WDR35: variants seen among roughly 807,000 people sequenced by gnomAD.
WDR35 encodes the protein WD repeat-containing protein 35.
WDR35 carries 118 observed loss-of-function variants against 158.3 expected under a neutral mutation model. The ratio of observed to expected loss-of-function variants is 0.75; its 90% CI spans 0.64 to 0.87. The LOEUF (loss-of-function observed/expected upper bound fraction) is 0.87. Ranked by LOEUF, WDR35 falls within the 40% of genes least tolerant of loss-of-function variation. The probability of loss-of-function intolerance (pLI) is 0.00; values close to 1 mark genes in which losing one functional copy is unlikely to be tolerated. For synonymous variants in WDR35, 448 were observed against 476.1 expected, an observed-to-expected ratio of 0.94 and a Z score of 0.77; for missense variants, 1,263 against 1,405.8, an observed-to-expected ratio of 0.90 and a Z score of 1.62.
chr2:19,942,298 T>C (rs770234266), intron 16 of WDR35, among the ~76,000 whole-genome samples: 2 of 152,198 alleles, frequency 1.3e-5, no homozygotes, highest in African/African-American at 2.4e-5. Flanking sequence ...TATATTTGTA[T>C]GTAAGCCCAT....
chr2:19,930,446 A>G lies in WDR35; in HGVS notation c.3071T>C (p.Leu1024Pro). 1 of 1,614,146 alleles carries G rather than the reference A, an allele frequency of 6.2e-7. No homozygotes were observed. The highest frequency in any genetic ancestry group is 8.5e-7 in the Non-Finnish European group (1 of 1,180,016). The change falls in exon 25 of 27, where the codon CTT (leucine) becomes CCT (proline). Residue 1024 changes from leucine (L) to proline (P), a missense_variant. Leu to Pro is a moderately conservative substitution (Grantham distance 98). Transcript: ENST00000281405. ...RGAEAYHFFI[L>P]AQRQLYEGCV... ...TCCCTCATAGAGCTGCCTCTGTGCA[A>G]GTATAAAGAAGTGGTAAGCCTCTGC...
At chr2:19,986,307 G>T (rs1672564105) in intron 2 of WDR35, among the ~76,000 whole-genome samples, 1 of 152,278 alleles carries the variant, frequency 6.6e-6, no homozygotes, top group African/African-American at 2.4e-5. Flanking sequence ...TCAGGACTGG[G>T]CTGGAGATAT....
At chr2:19,954,094 C>A in intron 11 of WDR35, 116 bp from the exon 12 acceptor site, 1 of 1,165,370 alleles carries the variant, frequency 8.6e-7, no homozygotes, top group Non-Finnish European at 1.3e-6. Context: ...CAATATACCC[C>A]CACATAGTCT....
chr2:19,924,562 T>C (rs1352744395), intron 25 of WDR35, among the ~76,000 whole-genome samples: 2 of 152,086 alleles, frequency 1.3e-5, no homozygotes, highest in Non-Finnish European at 2.9e-5. Flanking sequence ...AGATTTCATC[T>C]CAAAACAAAA....
chr2:19,978,398 A>G (rs1672276477), intron 5 of WDR35, among the ~76,000 whole-genome samples: 2 of 152,210 alleles, frequency 1.3e-5, no homozygotes, highest in Admixed American at 6.5e-5. Context: ...TTCAGTTCCA[A>G]TAAAAACGAC....
At chr2:19,933,104 AATT>A (rs1438647258) in intron 22 of WDR35, among the ~76,000 whole-genome samples, 1 of 152,204 alleles carries the variant, frequency 6.6e-6, no homozygotes, top group African/African-American at 2.4e-5. Flanking sequence ...AAAATTATGA[AATT>A]ACTTCCAGAC....
intron 4 of WDR35, 36 bp downstream of exon 4, chr2:19,980,655 G>C: frequency 6.4e-7 from 1 of 1,573,498 alleles, no homozygotes; most frequent in Non-Finnish European, 8.7e-7. Context: ...ATGCCAACTT[G>C]TGAAAAATTA....
intron 5 of WDR35, among the ~76,000 whole-genome samples, chr2:19,976,515 T>C (rs1672217964): frequency 6.6e-6 from 1 of 152,064 alleles, no homozygotes; most frequent in South Asian, 2.1e-4. Flanking sequence ...ACTTGTACCC[T>C]CTAAATCTAT....
At chr2:19,941,710 AT>A (rs1670882142) in intron 17 of WDR35, 48 bp downstream of exon 17, 1 of 1,369,496 alleles carries the variant, frequency 7.3e-7, no homozygotes. Flanking sequence ...TGGTCCAGAA[AT>A]AATCCCCTGT....
chr2:19,973,483 T>C (rs775096168), intron 8 of WDR35, 80 bp downstream of exon 8: 7 of 1,583,810 alleles, frequency 4.4e-6, no homozygotes, highest in East Asian at 2.2e-5. Flanking sequence ...GTTTACACCG[T>C]TTCCTTTGTT....
At chr2:19,944,612 C>G (rs1670989265) in intron 16 of WDR35, among the ~76,000 whole-genome samples, 1 of 152,058 alleles carries the variant, frequency 6.6e-6, no homozygotes, top group African/African-American at 2.4e-5. Flanking sequence ...TGAAAGAAGC[C>G]CATGCTTACA....
intron 25 of WDR35, among the ~76,000 whole-genome samples, chr2:19,917,088 T>C (rs1452264284): frequency 6.6e-6 from 1 of 152,174 alleles, no homozygotes; most frequent in African/African-American, 2.4e-5. Context: ...CCACTGGTGA[T>C]ACCCAGGCAA....
intron 25 of WDR35, among the ~76,000 whole-genome samples, chr2:19,914,552 T>G (rs1006976228): frequency 2.0e-5 from 3 of 152,120 alleles, no homozygotes; most frequent in African/African-American, 7.2e-5. Flanking sequence ...ACACACAAAA[T>G]TTTGGTGTCA....
rs573691822 is a variant in WDR35 at position 19,946,833 on chromosome 2, C to T, written c.1525-263G>A. On this transcript the variant is annotated intron_variant, in intron 14 of 26. Coordinates refer to ENST00000281405, the MANE Select transcript of WDR35 (RefSeq NM_020779.4). ...AGAAACCTAGCACTTTGGCAATACA[C>T]AAATTCTTACATCACAAGGAAAAAA... is the stretch of plus-strand genomic sequence containing the variant. Among the ~76,000 whole-genome samples, 3 of 152,140 alleles carry T rather than the reference C, an allele frequency of 2.0e-5. No individual in the cohort carries two copies. The East Asian group carries it at 5.8e-4, about 29-fold the overall frequency.
At chr2:19,958,493 A>T (rs1355713129) in intron 11 of WDR35, among the ~76,000 whole-genome samples, 1 of 152,224 alleles carries the variant, frequency 6.6e-6, no homozygotes, top group Non-Finnish European at 1.5e-5. Context: ...TCCCACAGGA[A>T]ATGTCATAAT....
intron 2 of WDR35, among the ~76,000 whole-genome samples, chr2:19,984,639 T>C (rs1035004753): frequency 1.3e-5 from 2 of 152,118 alleles, no homozygotes; most frequent in Admixed American, 1.3e-4. Context: ...TTTAAAAAAT[T>C]AAGGTGTAAT....
At chr2:19,924,221 C>T (rs183190787) in intron 25 of WDR35, among the ~76,000 whole-genome samples, 124 of 152,148 alleles carry the variant, frequency 8.1e-4, no homozygotes, top group African/African-American at 2.9e-3. Flanking sequence ...AAACAGGGAC[C>T]AAAAGAACCA....
At chr2:19,948,415 T>C (rs1323733325) in intron 13 of WDR35, among the ~76,000 whole-genome samples, 198 bp from the exon 14 acceptor site, 1 of 152,196 alleles carries the variant, frequency 6.6e-6, no homozygotes, top group Non-Finnish European at 1.5e-5. Context: ...TCTTCAGAGA[T>C]TACTGAAAAG....
chr2:19,976,101 C>T (rs149931870), intron 5 of WDR35, among the ~76,000 whole-genome samples: 1 of 152,298 alleles, frequency 6.6e-6, no homozygotes, highest in Admixed American at 6.5e-5. Flanking sequence ...ATTCTCTGAT[C>T]TAATCCCTTC....
Sources: gnomAD v4.1 joint callset for allele counts (sites outside exome capture counted in the v4.1 genomes callset) on GRCh38, gnomAD v4.1.1 for gene constraint, MANE v1.5 for transcripts, NCBI Gene and HGNC (gene_info 2026-07-23, HGNC 2026-07-21) for gene names.